Variants in CACNB4 observed in about 807,000 individuals in gnomAD.
The protein encoded by CACNB4 is calcium voltage-gated channel auxiliary subunit beta 4, also known as voltage-dependent L-type calcium channel subunit beta-4.
In CACNB4, 32 loss-of-function variants were observed where a neutral mutation model predicts 71.2. The ratio of observed to expected loss-of-function variants is 0.45; its 90% CI spans 0.34 to 0.60. The LOEUF (loss-of-function observed/expected upper bound fraction) is 0.60, where lower values mean the gene tolerates loss of function less well. CACNB4 is among the 20% of genes least tolerant of loss of function. CACNB4 has a pLI of 0.01. For synonymous variants in CACNB4, 231 were observed against 236.9 expected, an observed-to-expected ratio of 0.97 and a Z score of 0.23; for missense variants, 464 against 647.9, an observed-to-expected ratio of 0.72 and a Z score of 3.08.
intron 2 of CACNB4, among the ~76,000 whole-genome samples, chr2:151,926,648 T>C (rs559748506): frequency 6.6e-6 from 1 of 152,358 alleles, no homozygotes; most frequent in African/African-American, 2.4e-5. Flanking sequence ...TAGCAGCATC[T>C]GTTACTTCAT....
chr2:152,091,118 G>A (rs970146202), intron 2 of CACNB4, among the ~76,000 whole-genome samples: 1 of 151,856 alleles, frequency 6.6e-6, no homozygotes, highest in East Asian at 1.9e-4. Flanking sequence ...AAAAATGACT[G>A]GTTAACGGGT....
At chr2:151,927,496 G>C (rs563957664) in intron 2 of CACNB4, among the ~76,000 whole-genome samples, 68 of 152,312 alleles carry the variant, frequency 4.5e-4, no homozygotes, top group African/African-American at 1.6e-3. Context: ...TAAGAAGCAA[G>C]GTCATCAGCT....
At chr2:151,998,755 C>T (rs1421158033) in intron 2 of CACNB4, among the ~76,000 whole-genome samples, 1 of 152,178 alleles carries the variant, frequency 6.6e-6, no homozygotes, top group Non-Finnish European at 1.5e-5. Context: ...AGCACACCCC[C>T]CAGAAAATCT....
chr2:152,039,528 C>T (rs946301440), intron 2 of CACNB4, among the ~76,000 whole-genome samples: 5 of 152,188 alleles, frequency 3.3e-5, no homozygotes, highest in Admixed American at 6.5e-5. Context: ...TGCCAAGCAG[C>T]ATATGGAGCC....
Position 151,839,279 on chromosome 2 carries a change from C to G in CACNB4, c.1403G>C (p.Arg468Pro), listed in dbSNP as rs1169898698. 6.2e-7 allele frequency: 1 copy of G among 1,613,652 alleles called. No individual in the cohort carries two copies. Among genetic ancestry groups the G allele is most frequent in the Admixed American group, 1.7e-5 (1 of 60,002 alleles). Reference protein sequence around the residue: ...SDENYHNERARKSRNRLSSSS... With the variant: ...SDENYHNERAPKSRNRLSSSS... ...GGAAGACAAGCGGTTCCTACTCTTCCGAGCCCTTTCATTGTGATAATTTTC... is the reference window on the plus strand; with the variant it reads ...GGAAGACAAGCGGTTCCTACTCTTCGGAGCCCTTTCATTGTGATAATTTTC... The change falls in exon 14 of 14, where the codon CGG (arginine) becomes CCG (proline). Residue 468 changes from arginine (R) to proline (P), a missense_variant. Physicochemically the swap from Arg to Pro is moderately radical, Grantham distance 103 (BLOSUM62 -2). Transcript: ENST00000539935.
At chr2:152,013,654 C>CAGGATAT (rs1450604013) in intron 2 of CACNB4, among the ~76,000 whole-genome samples, 19 of 152,162 alleles carry the variant, frequency 1.2e-4, no homozygotes, top group African/African-American at 4.6e-4. Flanking sequence ...ACCCTTCCCC[C>CAGGATAT]AGGATATAGA....
intron 2 of CACNB4, among the ~76,000 whole-genome samples, chr2:152,090,740 T>C (rs536782298): frequency 6.6e-6 from 1 of 151,904 alleles, no homozygotes; most frequent in Non-Finnish European, 1.5e-5. Context: ...GGATAAATAT[T>C]TATTCTACAG....
intron 2 of CACNB4, among the ~76,000 whole-genome samples, chr2:151,898,610 T>A (rs1016827514): frequency 2.0e-5 from 3 of 152,228 alleles, no homozygotes; most frequent in African/African-American, 7.2e-5. Context: ...TTTACTTAGC[T>A]ATTTTTTAAA....
At chr2:151,863,557 A>G (rs1227489598) in intron 9 of CACNB4, among the ~76,000 whole-genome samples, 1 of 152,216 alleles carries the variant, frequency 6.6e-6, no homozygotes, top group African/African-American at 2.4e-5. Flanking sequence ...CCAACAACCC[A>G]GAAAGTTGAA....
At chr2:151,937,277 C>G (rs2099863144) in intron 2 of CACNB4, among the ~76,000 whole-genome samples, 1 of 152,174 alleles carries the variant, frequency 6.6e-6, no homozygotes, top group Admixed American at 6.5e-5. Context: ...TTCTGCCAGT[C>G]CCAGGGTCAA....
chr2:151,845,685 C>T (rs1006180173), intron 12 of CACNB4, among the ~76,000 whole-genome samples: 12 of 152,328 alleles, frequency 7.9e-5, no homozygotes, highest in Admixed American at 2.0e-4. Context: ...GTTACCCACT[C>T]GGTGATACCA....
chr2:151,847,859 C>A (rs1042108471), intron 12 of CACNB4, among the ~76,000 whole-genome samples: 1 of 152,212 alleles, frequency 6.6e-6, no homozygotes, highest in African/African-American at 2.4e-5. Context: ...GCACTCCAAC[C>A]GGGGTGACAA....
intron 2 of CACNB4, among the ~76,000 whole-genome samples, chr2:151,922,393 G>A (rs1277162245): frequency 6.6e-6 from 1 of 152,090 alleles, no homozygotes; most frequent in Non-Finnish European, 1.5e-5. Context: ...TGTAGGGATG[G>A]AGTCTTGCTG....
At chr2:152,052,292 T>C (rs6711790) in intron 2 of CACNB4, among the ~76,000 whole-genome samples, 7,617 of 152,286 alleles carry the variant, frequency 0.05, 622 homozygotes, top group African/African-American at 0.18. Context: ...AAAATCAGAT[T>C]ATTCACATTA....
intron 2 of CACNB4, among the ~76,000 whole-genome samples, chr2:151,945,447 G>C (rs755428836): frequency 7.2e-5 from 11 of 152,096 alleles, no homozygotes. Flanking sequence ...GGTGGGGACT[G>C]CTTGAGCCCG....
At chr2:151,931,734 T>C (rs2099861688) in intron 2 of CACNB4, among the ~76,000 whole-genome samples, 1 of 152,146 alleles carries the variant, frequency 6.6e-6, no homozygotes, top group African/African-American at 2.4e-5. Context: ...TTTTTTTCTT[T>C]AAAAATAATA....
At chr2:151,990,524 A>T (rs1051389747) in intron 2 of CACNB4, among the ~76,000 whole-genome samples, 6 of 152,222 alleles carry the variant, frequency 3.9e-5, no homozygotes, top group Admixed American at 2.0e-4. Flanking sequence ...TGTGAGCTCC[A>T]GGAGGAACAG....
chr2:152,056,376 G>T (rs1322159560), intron 2 of CACNB4, among the ~76,000 whole-genome samples: 2 of 148,698 alleles, frequency 1.3e-5, no homozygotes, highest in East Asian at 2.0e-4. Context: ...AAAAAAAAAA[G>T]AAATTAGAAA....
chr2:151,871,275 A>C, intron 6 of CACNB4: 1 of 167,408 alleles, frequency 6.0e-6, no homozygotes, highest in African/African-American at 2.4e-5. Context: ...TATCACCTCA[A>C]TCAATAGTTA....
Sources: gnomAD v4.1 joint callset for allele counts (sites outside exome capture counted in the v4.1 genomes callset) on GRCh38, gnomAD v4.1.1 for gene constraint, MANE v1.5 for transcripts, NCBI Gene and HGNC (gene_info 2026-07-23, HGNC 2026-07-21) for gene names.